The following BMPER variants were observed in gnomAD, a reference collection of about 807,000 sequenced individuals.
BMPER encodes BMP-binding endothelial regulator protein.
In BMPER, 45 loss-of-function variants were observed where a neutral mutation model predicts 87.3. The observed-to-expected ratio is 0.52, with a 90% CI of 0.41 to 0.66. The LOEUF (loss-of-function observed/expected upper bound fraction) is 0.66, where lower values mean the gene tolerates loss of function less well. Among genes scored for constraint, BMPER ranks in the 30% least tolerant of loss-of-function variants. The pLI, the probability that BMPER is intolerant of heterozygous loss-of-function variation, is 0.00. For synonymous variants in BMPER, 326 were observed against 316.2 expected (o/e 1.03, Z -0.33); for missense variants, 784 against 867.5 (o/e 0.90, Z 1.21).
At chr7:33,957,122 A>G (rs1315739304) in intron 3 of BMPER, among the ~76,000 whole-genome samples, 1 of 152,136 alleles carries the variant, frequency 6.6e-6, no homozygotes, top group East Asian at 1.9e-4. Context: ...ACTTGTGTTC[A>G]CATAGAATCC....
In BMPER at chr7:34,143,350, G is replaced by A; in HGVS notation, c.1866G>A (p.Gln622=). ...EGIKVHWEPQ[Q]NCAATQCKHG... is the part of the protein sequence containing the mutation. ...TCAAAGTCCACTGGGAGCCTCAGCA[G>A]AATTGTGCAGGTAAGAAAGTCCTGC... The change falls in exon 14 of 15, where the codon CAG becomes CAA. Residue 622 remains glutamine (Q), a synonymous_variant. Coordinates refer to ENST00000649409, the MANE Select transcript of BMPER (RefSeq NM_001365308.1). 6.2e-7 allele frequency: 1 copy of A among 1,613,974 alleles called. No homozygotes were observed. Among genetic ancestry groups the A allele is most frequent in the Non-Finnish European group, 8.5e-7 (1 of 1,179,918 alleles).
At chr7:34,053,548 A>G (rs535958961) in intron 8 of BMPER, among the ~76,000 whole-genome samples, 1 of 152,240 alleles carries the variant, frequency 6.6e-6, no homozygotes, top group African/African-American at 2.4e-5. Context: ...TAAACAGTCA[A>G]TTAACACATA....
intron 13 of BMPER, among the ~76,000 whole-genome samples, chr7:34,140,311 T>C (rs1000884651): frequency 2.0e-5 from 3 of 152,204 alleles, no homozygotes; most frequent in Non-Finnish European, 2.9e-5. Flanking sequence ...CTCCATTCTG[T>C]CACAAACTCT....
At position 34,079,001 on chromosome 7, in the gene BMPER, A is replaced by G. The variant is rs1788939235; in HGVS notation, c.1223A>G (p.Asp408Gly). ...ASPFQVLVKN[D>G]ARRTRSFSWT... is the part of the protein sequence containing the mutation. ...CCCTTCCAGGTGCTGGTGAAGAACG[A>G]CGCCCGCCGGACACGCTCCTTCTCG... is the stretch of plus-strand genomic sequence containing the variant. The change falls in exon 12 of 15, where the codon GAC (aspartate) becomes GGC (glycine). Residue 408 changes from aspartate (D) to glycine (G), a missense_variant. Asp to Gly is a moderately conservative substitution (Grantham distance 94). Coordinates refer to ENST00000649409, the MANE Select transcript of BMPER (RefSeq NM_001365308.1). The G allele has an allele frequency of 1.2e-6, 2 of 1,614,112 alleles. No homozygotes were observed. Among genetic ancestry groups the G allele is most frequent in the East Asian group, 4.5e-5 (2 of 44,878 alleles).
At chr7:34,065,199 A>ACTC (rs372015069) in intron 11 of BMPER, among the ~76,000 whole-genome samples, 1 of 94,124 alleles carries the variant, frequency 1.1e-5, no homozygotes, top group Non-Finnish European at 2.3e-5. Flanking sequence ...ACACATACAC[A>ACTC]CTCACTCTCT....
intron 6 of BMPER, among the ~76,000 whole-genome samples, chr7:34,014,062 T>C (rs917545544): frequency 3.3e-5 from 5 of 151,968 alleles, no homozygotes; most frequent in South Asian, 2.1e-4. Flanking sequence ...CTCTCTGTAA[T>C]TGCTCATCAC....
intron 6 of BMPER, among the ~76,000 whole-genome samples, chr7:34,017,670 A>G (rs1487003722): frequency 6.6e-6 from 1 of 151,846 alleles, no homozygotes; most frequent in African/African-American, 2.4e-5. Flanking sequence ...TAATCCCCTG[A>G]GTGCTTTTTA....
At chr7:34,137,185 A>C (rs536457743) in intron 13 of BMPER, among the ~76,000 whole-genome samples, 5 of 152,204 alleles carry the variant, frequency 3.3e-5, no homozygotes, top group Non-Finnish European at 7.3e-5. Flanking sequence ...TTTTTCCACC[A>C]GTCATTAAAT....
At chr7:33,937,469 C>T (rs929832502) in intron 3 of BMPER, 81 bp downstream of exon 3, 3 of 1,461,952 alleles carry the variant, frequency 2.1e-6, no homozygotes, top group Non-Finnish European at 2.9e-6. Context: ...TTCCTTTTCA[C>T]TCAGCTTTTG....
intron 12 of BMPER, 65 bp from the exon 13 acceptor site, chr7:34,085,691 T>C (rs1473090724): frequency 2.8e-6 from 4 of 1,403,866 alleles, no homozygotes; most frequent in Non-Finnish European, 4.0e-6. Context: ...TAAGGATGTA[T>C]ACATTTGGGA....
Position 33,956,602 on chromosome 7 carries a change from C to T in BMPER, c.320-9877C>T, listed in dbSNP as rs142090244. Among the ~76,000 whole-genome samples, 379 of 152,218 alleles carry T rather than the reference C, an allele frequency of 2.5e-3. 1 individual carries two copies. Among genetic ancestry groups the T allele is most frequent in the African/African-American group, 8.8e-3 (364 of 41,544 alleles). On this transcript the variant is annotated intron_variant, in intron 3 of 14. Transcript: ENST00000649409. ...CCTCCTCCACTTTGTCCACCTCTTCCACCCCTGAGACAGCAAGACCAACCA... is the reference window on the plus strand; with the variant it reads ...CCTCCTCCACTTTGTCCACCTCTTCTACCCCTGAGACAGCAAGACCAACCA...
intron 12 of BMPER, among the ~76,000 whole-genome samples, chr7:34,083,371 G>T (rs887916490): frequency 1.3e-5 from 2 of 152,136 alleles, no homozygotes; most frequent in African/African-American, 4.8e-5. Flanking sequence ...ATTCCCCAAA[G>T]AGACTTTCCT....
At chr7:33,992,193 A>G (rs977354963) in intron 6 of BMPER, among the ~76,000 whole-genome samples, 81 of 144,448 alleles carry the variant, frequency 5.6e-4, no homozygotes, top group Non-Finnish European at 1.1e-3. Context: ...TGTCTCGTTG[A>G]TCTGTCTAAT....
chr7:34,036,309 T>C (rs997256851), intron 6 of BMPER, among the ~76,000 whole-genome samples: 8 of 152,166 alleles, frequency 5.3e-5, no homozygotes, highest in African/African-American at 1.9e-4. Context: ...TGTTTGTTTG[T>C]TTCTGGGCAG....
intron 6 of BMPER, among the ~76,000 whole-genome samples, chr7:34,018,463 C>T (rs932721410): frequency 3.9e-5 from 6 of 151,966 alleles, no homozygotes; most frequent in Non-Finnish European, 8.8e-5. Context: ...TTCAGATCCT[C>T]ATTTAGAAAA....
At chr7:34,050,766 A>G (rs1940467660) in intron 7 of BMPER, among the ~76,000 whole-genome samples, 1 of 152,184 alleles carries the variant, frequency 6.6e-6, no homozygotes, top group Non-Finnish European at 1.5e-5. Flanking sequence ...GGAGGAAATT[A>G]GATTGTACTC....
chr7:34,065,041 T>C (rs114445784), intron 11 of BMPER, among the ~76,000 whole-genome samples: 1 of 152,208 alleles, frequency 6.6e-6, no homozygotes, highest in Non-Finnish European at 1.5e-5. Context: ...TTGTAAATTA[T>C]GAAAGCTCTC....
In BMPER at chr7:33,974,761, A is replaced by G. The variant is rs1473365893; in HGVS notation, c.553A>G (p.Lys185Glu). The G allele has an allele frequency of 6.2e-7, 1 of 1,614,086 alleles. No individual in the cohort carries two copies. The highest frequency in any genetic ancestry group is 1.7e-5 in the Admixed American group (1 of 60,026). The part of the protein sequence containing the change: ...EGEEFQPEGS[K>E]CTKCSCTGGR... ...GGAGGAATTTCAGCCAGAAGGAAGC[A>G]AATGTACCAAGTGTTCCTGCACTGT... is the stretch of plus-strand genomic sequence containing the variant. Residue 185 changes from lysine to glutamate, a missense_variant, in exon 6 of 15, where the codon AAA becomes GAA. By Grantham distance (56) the Lys-to-Glu change is moderately conservative. Transcript: ENST00000649409.
intron 6 of BMPER, among the ~76,000 whole-genome samples, chr7:34,035,963 G>A (rs1011675725): frequency 2.0e-5 from 3 of 152,164 alleles, no homozygotes; most frequent in African/African-American, 7.2e-5. Context: ...TAGAAGTCTT[G>A]AGCAGTCAAA....
Sources: gnomAD v4.1 joint callset for allele counts (sites outside exome capture counted in the v4.1 genomes callset) on GRCh38, gnomAD v4.1.1 for gene constraint, MANE v1.5 for transcripts, NCBI Gene and HGNC (gene_info 2026-07-23, HGNC 2026-07-21) for gene names.